Variants in IQGAP1 observed in about 807,000 individuals in gnomAD.
IQGAP1 encodes ras GTPase-activating-like protein IQGAP1.
IQGAP1 carries 66 observed loss-of-function variants against 215.6 expected under a neutral mutation model. The ratio of observed to expected loss-of-function variants is 0.31; its 90% confidence interval spans 0.25 to 0.38. IQGAP1 has a LOEUF of 0.38. IQGAP1 is among the 10% of genes least tolerant of loss of function. The pLI is 1.00. For missense variants in IQGAP1, 1,712 were observed against 1,997.1 expected (o/e 0.86, Z 2.72); for synonymous variants, 772 against 728.7 (o/e 1.06, Z -0.96).
intron 5 of IQGAP1, among the ~76,000 whole-genome samples, chr15:90,434,974 T>C (rs1239133343): frequency 6.6e-6 from 1 of 152,200 alleles, no homozygotes; most frequent in East Asian, 1.9e-4. Context: ...GCACTTCTTA[T>C]ATGGCATCCT....
At chr15:90,400,544 T>C (rs947605633) in intron 2 of IQGAP1, among the ~76,000 whole-genome samples, 1 of 152,202 alleles carries the variant, frequency 6.6e-6, no homozygotes, top group African/African-American at 2.4e-5. Context: ...CACTTCCCTT[T>C]ATAATCCGTA....
Position 90,476,728 on chromosome 15 carries a change from G to A in IQGAP1, c.2850G>A (p.Met950Ile). ...AGGAACAGTTGTCTGATATGATGAT[G>A]ATAAATAAACAGAAGGGAGGTCTCA... Reference protein sequence around the residue: ...KNKEQLSDMMMINKQKGGLKA... With the variant: ...KNKEQLSDMMIINKQKGGLKA... Residue 950 changes from methionine (M) to isoleucine (I), a missense_variant, in exon 24 of 38, where the codon ATG becomes ATA. By Grantham distance (10) the Met-to-Ile change is conservative. Around this residue, in one of 2 missense-constraint regions of IQGAP1, gnomAD observed 691 missense variants for 923.0 expected, o/e 0.75. Transcript: ENST00000268182. 6.2e-7 allele frequency: 1 copy of A among 1,606,510 alleles called. No individual in the cohort carries two copies.
chr15:90,397,603 G>A (rs1368261386), intron 2 of IQGAP1, among the ~76,000 whole-genome samples: 1 of 137,156 alleles, frequency 7.3e-6, no homozygotes, highest in Non-Finnish European at 1.5e-5. Context: ...TGCAACCTCC[G>A]CCTCCCAGGT....
Position 90,429,669 on chromosome 15 carries a change from A to T in IQGAP1, c.390+3A>T. ...TGGATGAGATTGGATTGCCTAAGGT[A>T]ACTTACCTGAGATAATAGTTTAGGC... is the stretch of plus-strand genomic sequence containing the variant. On this transcript the variant is annotated splice_donor_region_variant and intron_variant, in intron 4 of 37. Coordinates refer to ENST00000268182, the MANE Select transcript of IQGAP1 (RefSeq NM_003870.4). 1 of 1,584,726 alleles carries T rather than the reference A, an allele frequency of 6.3e-7. No individual in the cohort carries two copies. The highest frequency in any genetic ancestry group is 8.6e-7 in the Non-Finnish European group (1 of 1,161,010).
intron 5 of IQGAP1, among the ~76,000 whole-genome samples, chr15:90,436,349 A>G (rs1567125690): frequency 6.6e-6 from 1 of 152,162 alleles, no homozygotes; most frequent in African/African-American, 2.4e-5. Flanking sequence ...GTAAATAGAA[A>G]TACACTTTCT....
chr15:90,463,083 TCTTTC>T (rs1215585269), intron 15 of IQGAP1, among the ~76,000 whole-genome samples: 1 of 152,238 alleles, frequency 6.6e-6, no homozygotes, highest in African/African-American at 2.4e-5. Context: ...ATGCTGTCTC[TCTTTC>T]CTTCTTCATT....
intron 22 of IQGAP1, 88 bp downstream of exon 22, chr15:90,474,221 C>A: frequency 1.6e-6 from 2 of 1,218,464 alleles, no homozygotes; most frequent in African/African-American, 1.5e-5. Context: ...TTTTGTTATC[C>A]TGAAGGCAAG....
At chr15:90,419,398 G>T (rs566051186) in intron 2 of IQGAP1, among the ~76,000 whole-genome samples, 1 of 152,238 alleles carries the variant, frequency 6.6e-6, no homozygotes, top group African/African-American at 2.4e-5. Flanking sequence ...GTCATTCTAT[G>T]TTACTTCTTT....
Position 90,440,570 on chromosome 15 carries a change from A to G in IQGAP1, c.604A>G (p.Ile202Val). The change falls in exon 7 of 38, where the codon ATT becomes GTT. Residue 202 changes from isoleucine to valine, a missense_variant. Coordinates refer to ENST00000268182, the MANE Select transcript of IQGAP1 (RefSeq NM_003870.4). ...CATCCAGATGCCTGCCTTTAGCAAG[A>G]TTGGGGGCATCTTGGCTAATGAACT... is the stretch of plus-strand genomic sequence containing the variant. ...YGIQMPAFSK[I>V]GGILANELSV... 2 of 1,570,180 alleles carry G rather than the reference A, an allele frequency of 1.3e-6. No individual in the cohort carries two copies. The highest frequency in any genetic ancestry group is 1.7e-6 in the Non-Finnish European group (2 of 1,155,952).
intron 15 of IQGAP1, among the ~76,000 whole-genome samples, chr15:90,461,274 G>A (rs1052416041): frequency 6.6e-6 from 1 of 151,798 alleles, no homozygotes; most frequent in African/African-American, 2.4e-5. Flanking sequence ...ACTCCAGCTT[G>A]GGTGACAAGA....
At chr15:90,452,038 C>A (rs1236968838) in intron 11 of IQGAP1, among the ~76,000 whole-genome samples, 1 of 152,128 alleles carries the variant, frequency 6.6e-6, no homozygotes, top group Non-Finnish European at 1.5e-5. Context: ...CCGTGTTGAC[C>A]AGGATGGTCT....
At chr15:90,411,185 C>T (rs1964959761) in intron 2 of IQGAP1, among the ~76,000 whole-genome samples, 1 of 152,058 alleles carries the variant, frequency 6.6e-6, no homozygotes, top group African/African-American at 2.4e-5. Context: ...TTAGATGTTC[C>T]TCTCTCATGT....
chr15:90,482,274 T>C lies in IQGAP1; in HGVS notation c.3548T>C (p.Leu1183Pro). The C allele has an allele frequency of 1.2e-6, 2 of 1,614,190 alleles. No individual in the cohort carries two copies. The highest frequency in any genetic ancestry group is 1.7e-6 in the Non-Finnish European group (2 of 1,179,996). ...TTCCCTGATGCTGGTGAGGATGAGC[T>C]GCTGAAGGTAAGAATCTCATAGCCG... is the stretch of plus-strand genomic sequence containing the variant. ...EKFPDAGEDE[L>P]LKIIGNLLYY... Residue 1183 changes from leucine to proline, a missense_variant, in exon 28 of 38, where the codon CTG becomes CCG. Coordinates refer to ENST00000268182, the MANE Select transcript of IQGAP1 (RefSeq NM_003870.4).
chr15:90,437,191 A>T (rs1263339408), intron 5 of IQGAP1, among the ~76,000 whole-genome samples: 2 of 152,214 alleles, frequency 1.3e-5, no homozygotes, highest in African/African-American at 4.8e-5. Flanking sequence ...GTGCTTACAT[A>T]CTTTTAAAAA....
At chr15:90,444,422 C>T (rs1216484258) in intron 9 of IQGAP1, among the ~76,000 whole-genome samples, 1 of 151,926 alleles carries the variant, frequency 6.6e-6, no homozygotes, top group Non-Finnish European at 1.5e-5. Context: ...GCTAGGACTA[C>T]AGTCATGCGC....
In IQGAP1 at chr15:90,466,274, T is replaced by G. The variant is rs1965829697; in HGVS notation, c.1873T>G (p.Leu625Val). Residue 625 changes from leucine to valine, a missense_variant, in exon 17 of 38, where the codon TTA becomes GTA. Physicochemically the swap from Leu to Val is conservative, Grantham distance 32 (BLOSUM62 1). This residue lies in a region of IQGAP1 where 1,021 missense variants were observed against 1,074.2 expected (regional missense o/e 0.95). Transcript: ENST00000268182. ...KDTQEAQKFA[L>V]GIFAINEAVE... ...ACAGTTCTTTCCCGAAATAGTTGCC[T>G]TAGGAATCTTTGCCATTAATGAGGC... 11 of 1,613,922 alleles carry G rather than the reference T, an allele frequency of 6.8e-6. No homozygotes were observed. Among genetic ancestry groups the G allele is most frequent in the African/African-American group, 1.3e-5 (1 of 74,914 alleles).
In IQGAP1 at chr15:90,440,389, C is replaced by G. The variant is rs540815910; in HGVS notation, c.536-113C>G. 4.2e-6 allele frequency: 3 copies of G among 707,108 alleles called. No individual in the cohort carries two copies. In the Admixed American group the frequency reaches 8.0e-5, roughly 19 times the overall value. The allele number at this position is 707,108 out of a possible 1,614,324, so 43.8% of individuals were successfully genotyped here. On this transcript the variant is annotated intron_variant, in intron 6 of 37. Coordinates refer to ENST00000268182, the MANE Select transcript of IQGAP1 (RefSeq NM_003870.4). ...TTGTATCTTTATATCCTTATAAAAC[C>G]CTAAAAGGTAAATGCCATTTTATCC... is the stretch of plus-strand genomic sequence containing the variant.
In IQGAP1 at chr15:90,448,596, G is replaced by T; in HGVS notation, c.937G>T (p.Asp313Tyr). 1 of 1,592,952 alleles carries T rather than the reference G, an allele frequency of 6.3e-7. No homozygotes were observed. The highest frequency in any genetic ancestry group is 1.1e-5 in the South Asian group (1 of 87,842). Residue 313 changes from aspartate (D) to tyrosine (Y), a missense_variant, in exon 10 of 38, where the codon GAC becomes TAC. Asp to Tyr is a radical substitution (Grantham distance 160). Around this residue, in one of 2 missense-constraint regions of IQGAP1, gnomAD observed 1,021 missense variants for 1,074.2 expected, o/e 0.95. Coordinates refer to ENST00000268182, the MANE Select transcript of IQGAP1 (RefSeq NM_003870.4). ...VNTFSALANIDLALEQGDALA... is the reference protein window; with the variant it reads ...VNTFSALANIYLALEQGDALA... ...AGCATTTTCTGCATTAGCAAATATCGACCTGGCTTTAGAACAAGGAGATGC... is the reference window on the plus strand; with the variant it reads ...AGCATTTTCTGCATTAGCAAATATCTACCTGGCTTTAGAACAAGGAGATGC...
chr15:90,488,794 A>G (rs1007237432), intron 33 of IQGAP1, among the ~76,000 whole-genome samples: 10 of 152,174 alleles, frequency 6.6e-5, no homozygotes, highest in Non-Finnish European at 4.4e-5. Context: ...GATGTGAACA[A>G]AGGTACAAAG....
Sources: gnomAD v4.1 joint callset for allele counts (sites outside exome capture counted in the v4.1 genomes callset) on GRCh38, gnomAD v4.1.1 for gene constraint, gnomAD v4.1.1 regional missense constraint, MANE v1.5 for transcripts, NCBI Gene and HGNC (gene_info 2026-07-23, HGNC 2026-07-21) for gene names.